The following SMARCAL1 variants were observed in gnomAD, a reference collection of about 807,000 sequenced individuals.
SMARCAL1 encodes SNF2 related chromatin remodeling annealing helicase 1.
A neutral mutation model predicts 94.5 loss-of-function variants in SMARCAL1; 58 were observed. The observed-to-expected ratio is 0.61, with a 90% CI of 0.50 to 0.76. The LOEUF (loss-of-function observed/expected upper bound fraction) is 0.76. Among genes scored for constraint, SMARCAL1 ranks in the 30% least tolerant of loss-of-function variants. SMARCAL1 has a pLI of 0.00. For synonymous variants in SMARCAL1, 422 were observed against 455.1 expected (o/e 0.93, Z 0.93); for missense variants, 1,051 against 1,177.9 (o/e 0.89, Z 1.58).
rs149510554 is a variant in SMARCAL1, at chr2:216,415,439, C to T, written c.735C>T (p.Gly245=). The part of the protein sequence containing the change: ...NSQKGKCVRN[G]DRFQVLIGYN... ...AGAAGGGAAAGTGCGTAAGGAACGGCGATCGTTTCCAGGTGTTGATTGGGT... is the reference window on the plus strand; with the variant it reads ...AGAAGGGAAAGTGCGTAAGGAACGGTGATCGTTTCCAGGTGTTGATTGGGT... The change falls in exon 3 of 18, where the codon GGC becomes GGT. Residue 245 remains glycine (G), a synonymous_variant. Transcript: ENST00000357276. 8.2e-5 allele frequency: 133 copies of T among 1,614,086 alleles called. No individual in the cohort carries two copies. The highest frequency in any genetic ancestry group is 9.9e-5 in the Non-Finnish European group (117 of 1,180,026).
chr2:216,434,379 A>T (rs987836262), intron 8 of SMARCAL1, among the ~76,000 whole-genome samples: 1 of 152,210 alleles, frequency 6.6e-6, no homozygotes, highest in Non-Finnish European at 1.5e-5. Flanking sequence ...TAGTCTCGTC[A>T]TCATCAATAA....
intron 12 of SMARCAL1, among the ~76,000 whole-genome samples, chr2:216,453,529 C>T (rs531504065): frequency 6.6e-6 from 1 of 152,326 alleles, no homozygotes; most frequent in South Asian, 2.1e-4. Context: ...ATTGCTCTAA[C>T]TTAATTCAGG....
At chr2:216,451,195 A>T in intron 12 of SMARCAL1, 131 bp downstream of exon 12, 1 of 770,386 alleles carries the variant, frequency 1.3e-6, no homozygotes, top group Admixed American at 2.0e-5. Context: ...TCCCTAGGCA[A>T]GAACAGCAAG....
At chr2:216,442,815 A>G (rs1694224185) in intron 10 of SMARCAL1, among the ~76,000 whole-genome samples, 1 of 152,174 alleles carries the variant, frequency 6.6e-6, no homozygotes, top group Admixed American at 6.6e-5. Context: ...CAACACTGCA[A>G]TGACCATTTT....
At chr2:216,442,281 G>T (rs1321516657) in intron 10 of SMARCAL1, among the ~76,000 whole-genome samples, 1 of 152,046 alleles carries the variant, frequency 6.6e-6, no homozygotes, top group Non-Finnish European at 1.5e-5. Flanking sequence ...GCCAGGCATG[G>T]TGGCACACAC....
chr2:216,424,594 G>T (rs1693791158), intron 6 of SMARCAL1, among the ~76,000 whole-genome samples: 1 of 152,152 alleles, frequency 6.6e-6, no homozygotes, highest in Non-Finnish European at 1.5e-5. Flanking sequence ...GAAAAACTGG[G>T]TTCCTTCCTT....
chr2:216,455,723 A>G (rs1214942812), intron 12 of SMARCAL1, among the ~76,000 whole-genome samples: 1 of 152,262 alleles, frequency 6.6e-6, no homozygotes, highest in East Asian at 1.9e-4. Flanking sequence ...CAAAGAGCAA[A>G]GGTAGATAAA....
intron 10 of SMARCAL1, among the ~76,000 whole-genome samples, chr2:216,443,903 A>G (rs916456616): frequency 2.6e-5 from 4 of 152,226 alleles, no homozygotes; most frequent in African/African-American, 9.6e-5. Flanking sequence ...GACTCCAAGC[A>G]CTGGCTTTCT....
At chr2:216,461,195 T>C (rs1402951567) in intron 12 of SMARCAL1, among the ~76,000 whole-genome samples, 2 of 151,862 alleles carry the variant, frequency 1.3e-5, no homozygotes, top group Non-Finnish European at 2.9e-5. Flanking sequence ...AATTCAAAAA[T>C]TTCCTATAGT....
intron 5 of SMARCAL1, 62 bp downstream of exon 5, chr2:216,420,594 G>T: frequency 7.4e-7 from 1 of 1,352,146 alleles, no homozygotes; most frequent in Non-Finnish European, 1.1e-6. Context: ...TCAACATAGG[G>T]TGTTTTTCTC....
intron 7 of SMARCAL1, among the ~76,000 whole-genome samples, 191 bp from the exon 8 acceptor site, chr2:216,432,517 TTCTCTCTCTC>T (rs749148726): frequency 6.6e-6 from 1 of 151,192 alleles, no homozygotes; most frequent in Non-Finnish European, 1.5e-5. Context: ...TTTTTGGGCT[TTCTCTCTCTC>T]TCTCTCTCTT....
At chr2:216,480,981 G>C (rs183545426) in intron 17 of SMARCAL1, among the ~76,000 whole-genome samples, 15 of 152,260 alleles carry the variant, frequency 9.9e-5, no homozygotes, top group African/African-American at 3.6e-4. Flanking sequence ...AGTACCAAGT[G>C]ATGTGGCCCA....
intron 13 of SMARCAL1, among the ~76,000 whole-genome samples, chr2:216,467,506 AG>A (rs1209266274): frequency 6.6e-6 from 1 of 151,756 alleles, no homozygotes; most frequent in Non-Finnish European, 1.5e-5. Context: ...TGGGAAGCTA[AG>A]AAAAAACACA....
chr2:216,414,678 T>C lies in SMARCAL1; in HGVS notation c.-27T>C, dbSNP rs1693546377. On this transcript the variant is annotated 5_prime_UTR_variant, in exon 3 of 18. Transcript: ENST00000357276. Reference sequence around the variant, plus strand: ...CCAACTTTCCAATTAAAGGTTGACATTCCTGCATAAGCATTTCTCTGTGAA... The same window carrying C: ...CCAACTTTCCAATTAAAGGTTGACACTCCTGCATAAGCATTTCTCTGTGAA... 1.2e-6 allele frequency: 2 copies of C among 1,602,924 alleles called. No homozygotes were observed. The highest frequency in any genetic ancestry group is 1.7e-6 in the Non-Finnish European group (2 of 1,169,992).
chr2:216,478,343 C>T (rs1370648149), intron 17 of SMARCAL1, 44 bp downstream of exon 17: 3 of 1,464,174 alleles, frequency 2.0e-6, no homozygotes, highest in South Asian at 1.1e-5. Flanking sequence ...CAGAGGGAGG[C>T]ATTAAGCTGT....
intron 12 of SMARCAL1, 97 bp from the exon 13 acceptor site, chr2:216,464,500 T>G: frequency 1.1e-6 from 1 of 924,000 alleles, no homozygotes; most frequent in Non-Finnish European, 1.8e-6. Context: ...TGACGGGTGG[T>G]TGAGATTTGT....
chr2:216,431,117 C>T (rs377703792), intron 7 of SMARCAL1, among the ~76,000 whole-genome samples: 1 of 152,258 alleles, frequency 6.6e-6, no homozygotes, highest in East Asian at 1.9e-4. Context: ...AAGGGTGCCA[C>T]GCCATGATGC....
chr2:216,459,228 G>A (rs72948643), intron 12 of SMARCAL1, among the ~76,000 whole-genome samples: 15,190 of 152,178 alleles, frequency 0.1, 903 homozygotes, highest in South Asian at 0.19. Flanking sequence ...CTGAATAGGA[G>A]GAATCGATAT....
chr2:216,436,817 C>A (rs1052535662), intron 9 of SMARCAL1, among the ~76,000 whole-genome samples: 4 of 152,180 alleles, frequency 2.6e-5, no homozygotes, highest in African/African-American at 9.7e-5. Flanking sequence ...TAGGCTTTAT[C>A]TTTTATCCTT....
Sources: allele counts gnomAD v4.1 joint callset (sites outside exome capture counted in the v4.1 genomes callset), GRCh38; gene constraint gnomAD v4.1.1; transcripts MANE v1.5; gene names NCBI Gene and HGNC (gene_info 2026-07-23, HGNC 2026-07-21).